SETX: variants seen among roughly 807,000 people sequenced by gnomAD.
SETX encodes the protein senataxin, also known as helicase senataxin.
A neutral mutation model predicts 227.2 loss-of-function variants in SETX; 90 were observed. The ratio of observed to expected loss-of-function variants is 0.40; its 90% CI spans 0.33 to 0.47. SETX has a LOEUF of 0.47. SETX is among the 20% of genes least tolerant of loss of function. The pLI is 0.91. For synonymous variants in SETX, 1,210 were observed against 1,113.2 expected (o/e 1.09, Z -1.73); for missense variants, 3,052 against 3,181.5 (o/e 0.96, Z 0.98).
chr9:132,345,305 T>C (rs1166312), intron 4 of SETX, among the ~76,000 whole-genome samples: 136,001 of 152,238 alleles, frequency 0.89, 60,862 homozygotes, highest in Non-Finnish European at 0.92. Flanking sequence ...ACAGAGTCTC[T>C]GTCTGTCACC....
At chr9:132,347,883 A>G (rs1202348923) in intron 3 of SETX, among the ~76,000 whole-genome samples, 3 of 152,198 alleles carry the variant, frequency 2.0e-5, no homozygotes, top group African/African-American at 4.8e-5. Context: ...TATATACTGT[A>G]TATATCTCTA....
At chr9:132,321,336 A>G (rs543979933) in intron 10 of SETX, among the ~76,000 whole-genome samples, 1 of 151,922 alleles carries the variant, frequency 6.6e-6, no homozygotes, top group South Asian at 2.1e-4. Context: ...CCTGACCAAT[A>G]TGGCAAAACC....
At chr9:132,299,391 T>C (rs1844856463) in intron 12 of SETX, among the ~76,000 whole-genome samples, 2 of 146,848 alleles carry the variant, frequency 1.4e-5, no homozygotes, top group East Asian at 3.9e-4. Flanking sequence ...AACTATAAAT[T>C]TGGCAAAGGT....
At chr9:132,325,453 T>C (rs1846675026) in intron 10 of SETX, among the ~76,000 whole-genome samples, 1 of 151,626 alleles carries the variant, frequency 6.6e-6, no homozygotes, top group African/African-American at 2.4e-5. Flanking sequence ...AATTCACCCT[T>C]TGCCACCTCC....
At chr9:132,344,116 G>A (rs933044134) in intron 4 of SETX, among the ~76,000 whole-genome samples, 3 of 152,148 alleles carry the variant, frequency 2.0e-5, no homozygotes, top group African/African-American at 7.2e-5. Context: ...CAGAGAAGCG[G>A]GTTTTGCAAC....
At chr9:132,334,356 G>A (rs1310705933) in intron 7 of SETX, among the ~76,000 whole-genome samples, 1 of 152,156 alleles carries the variant, frequency 6.6e-6, no homozygotes, top group African/African-American at 2.4e-5. Context: ...GCTGAGACAG[G>A]GGAATTTCTT....
intron 9 of SETX, 92 bp downstream of exon 9, chr9:132,330,960 T>C: frequency 2.0e-6 from 2 of 978,544 alleles, no homozygotes; most frequent in Admixed American, 1.7e-5. Context: ...CAGCTACATA[T>C]CACAAAATCT....
At position 132,329,556 on chromosome 9, in the gene SETX, T is replaced by C. The variant is rs766812327; in HGVS notation, c.2042A>G (p.Asp681Gly). The C allele has an allele frequency of 3.1e-6, 5 of 1,613,430 alleles. No individual in the cohort carries two copies. In the South Asian group the frequency reaches 5.5e-5, roughly 18 times the overall value. The change falls in exon 10 of 26, where the codon GAC becomes GGC. Residue 681 changes from aspartate to glycine, a missense_variant. Asp to Gly is a moderately conservative substitution (Grantham distance 94, BLOSUM62 -1). Transcript: ENST00000224140. The part of the protein sequence containing the change: ...QNYIKDVKLE[D>G]HLLAGSCLKQ... ...TAAGCATGACCCAGCTAAGAGATGG[T>C]CCTCTAGTTTCACATCCTTTATATA...
In SETX at chr9:132,336,503, C is replaced by A; in HGVS notation, c.511G>T (p.Ala171Ser). The A allele has an allele frequency of 2.5e-6, 4 of 1,612,732 alleles. No individual in the cohort carries two copies. Among genetic ancestry groups the A allele is most frequent in the Non-Finnish European group, 3.4e-6 (4 of 1,178,766 alleles). Residue 171 changes from alanine to serine, a missense_variant, in exon 6 of 26, where the codon GCT (alanine) becomes TCT (serine). Physicochemically the swap from Ala to Ser is moderately conservative, Grantham distance 99. Around this residue, in one of 10 missense-constraint regions of SETX, gnomAD observed 239 missense variants for 240.8 expected, o/e 0.99. Transcript: ENST00000224140. ...CCCAAGTTTCTTGCAGTCAAGATAG[C>A]CCAACGCCGAACCTAAATGCAGAAT... ...VHPNEMVRRW[A>S]ILTARNLGKV... is the part of the protein sequence containing the mutation.
chr9:132,305,762 T>C (rs1845298719), intron 11 of SETX, among the ~76,000 whole-genome samples: 2 of 152,156 alleles, frequency 1.3e-5, no homozygotes, highest in Non-Finnish European at 2.9e-5. Flanking sequence ...TGTCCTAGAC[T>C]GAAGGAAACT....
rs1010732181 is a variant in SETX, at chr9:132,262,765, C to A, written c.*1474G>T. On this transcript the variant is annotated 3_prime_UTR_variant, in exon 26 of 26. Transcript: ENST00000224140. ...TCAAGTAGAATTTCTAACACAAAAC[C>A]CTTTTTTGCTTAAAAAGCAGATGAC... 3 of 152,542 alleles carry A rather than the reference C, an allele frequency of 2.0e-5. No individual in the cohort carries two copies. Among genetic ancestry groups the A allele is most frequent in the Admixed American group, 1.3e-4 (2 of 15,280 alleles). The allele number at this position is 152,542 out of a possible 1,614,324, so 9.4% of individuals were successfully genotyped here. A position where few individuals can be genotyped will look rare whatever the true frequency, so the allele number is the denominator to read the frequency against.
intron 10 of SETX, among the ~76,000 whole-genome samples, chr9:132,321,533 T>C (rs948087648): frequency 1.3e-5 from 2 of 151,738 alleles, no homozygotes; most frequent in African/African-American, 2.4e-5. Context: ...GGCAGGCACC[T>C]ATAGTCCCAG....
chr9:132,326,296 G>C, intron 10 of SETX, 28 bp downstream of exon 10: 1 of 1,501,442 alleles, frequency 6.7e-7, no homozygotes. Flanking sequence ...AAAGTTTGGA[G>C]AGGCATACAA....
In SETX at chr9:132,271,892, T is replaced by G; in HGVS notation, c.7101-84A>C. The G allele has an allele frequency of 2.4e-6, 3 of 1,266,974 alleles. No homozygotes were observed. The South Asian group carries it at 3.8e-5, about 16-fold the overall frequency. The allele number at this position is 1,266,974 out of a possible 1,614,324, so 78.5% of individuals were successfully genotyped here. A position where few individuals can be genotyped will look rare whatever the true frequency, so the allele number is the denominator to read the frequency against. ...TATTTATAAACTAGTTTTTTGGTTT[T>G]TTTTTTTTGAGACGGAGTCTCACTC... On this transcript the variant is annotated intron_variant, in intron 23 of 25. Transcript: ENST00000224140.
At chr9:132,289,916 A>G (rs1326080425) in intron 15 of SETX, among the ~76,000 whole-genome samples, 2 of 152,076 alleles carry the variant, frequency 1.3e-5, no homozygotes, top group Non-Finnish European at 2.9e-5. Flanking sequence ...GTTTTTTAAA[A>G]TCTTTTTTCT....
At chr9:132,302,681 C>CAAAAA (rs57673567) in intron 11 of SETX, among the ~76,000 whole-genome samples, 42 of 78,508 alleles carry the variant, frequency 5.3e-4, no homozygotes, top group Admixed American at 6.3e-4. Flanking sequence ...AAAAAAAAAG[C>CAAAAA]AAAAAAAAAA....
At chr9:132,323,179 C>G (rs1160130315) in intron 10 of SETX, among the ~76,000 whole-genome samples, 2 of 151,988 alleles carry the variant, frequency 1.3e-5, no homozygotes, top group Non-Finnish European at 2.9e-5. Context: ...CAGACCCAAC[C>G]CAAGGATAAG....
chr9:132,287,103 C>T (rs1212210568), intron 17 of SETX, among the ~76,000 whole-genome samples: 25 of 152,154 alleles, frequency 1.6e-4, no homozygotes, highest in Admixed American at 1.6e-3. Flanking sequence ...CCCTTTCTGT[C>T]TAACCTAATT....
chr9:132,341,835 C>T (rs1183703590), intron 5 of SETX, among the ~76,000 whole-genome samples: 2 of 152,154 alleles, frequency 1.3e-5, no homozygotes, highest in Non-Finnish European at 2.9e-5. Context: ...CTACCCACCG[C>T]CACCCAGGCC....
Sources: allele counts gnomAD v4.1 joint callset (sites outside exome capture counted in the v4.1 genomes callset), GRCh38; gene constraint gnomAD v4.1.1; regional missense constraint gnomAD v4.1.1; transcripts MANE v1.5; gene names NCBI Gene and HGNC (gene_info 2026-07-23, HGNC 2026-07-21).